MBD2: variants seen among roughly 807,000 people sequenced by gnomAD.
MBD2 encodes methyl-CpG binding domain protein 2.
Under a neutral mutation model 39.3 loss-of-function variants are expected in MBD2, and 9 were observed. The observed-to-expected ratio is 0.23, with a 90% CI of 0.14 to 0.40. The LOEUF (loss-of-function observed/expected upper bound fraction) is 0.40. MBD2 is among the 10% of genes least tolerant of loss of function. MBD2 has a pLI of 1.00. For synonymous variants in MBD2, 233 were observed against 211.1 expected, an observed-to-expected ratio of 1.10 and a Z score of -0.90; for missense variants, 458 against 532.6, an observed-to-expected ratio of 0.86 and a Z score of 1.38.
At chr18:54,174,768 A>G (rs1266092499) in intron 3 of MBD2, among the ~76,000 whole-genome samples, 5 of 152,222 alleles carry the variant, frequency 3.3e-5, no homozygotes, top group Admixed American at 1.3e-4. Flanking sequence ...TGAAACATGA[A>G]ATTTTATATC....
chr18:54,207,092 A>T (rs1237590624), intron 1 of MBD2, among the ~76,000 whole-genome samples: 1 of 152,186 alleles, frequency 6.6e-6, no homozygotes, highest in East Asian at 1.9e-4. Context: ...AAGCTCCTCA[A>T]TGTTGACAAA....
At chr18:54,168,672 C>T (rs2086156303) in intron 3 of MBD2, among the ~76,000 whole-genome samples, 2 of 140,822 alleles carry the variant, frequency 1.4e-5, no homozygotes, top group South Asian at 2.2e-4. Context: ...TATCTTCTCC[C>T]ATCCGCAACC....
chr18:54,179,177 G>A (rs544952841), intron 3 of MBD2, among the ~76,000 whole-genome samples: 33 of 152,206 alleles, frequency 2.2e-4, no homozygotes, highest in African/African-American at 5.5e-4. Flanking sequence ...GCGATACAGC[G>A]AGACCTTGTC....
chr18:54,196,931 A>G lies in MBD2; in HGVS notation c.703-7920T>C, dbSNP rs114056616. Among the ~76,000 whole-genome samples, 1,270 of 152,336 alleles carry G rather than the reference A, an allele frequency of 8.3e-3. 16 individuals carry two copies. Among genetic ancestry groups the G allele is most frequent in the African/African-American group, 0.029 (1,214 of 41,574 alleles). The stretch of plus-strand genomic sequence containing the variant: ...TCGCTATCCAATCAATAGCTACATG[A>G]CTCAAATTAGCCAAAAAGATGGAAC... On this transcript the variant is annotated intron_variant, in intron 2 of 6. Transcript: ENST00000256429.
intron 6 of MBD2, among the ~76,000 whole-genome samples, chr18:54,158,188 A>G (rs1159384040): frequency 6.7e-6 from 1 of 150,364 alleles, no homozygotes; most frequent in Non-Finnish European, 1.5e-5. Flanking sequence ...CCACCCACAC[A>G]TTCCCCCCAC....
chr18:54,196,191 G>T (rs967851748), intron 2 of MBD2, among the ~76,000 whole-genome samples: 1 of 152,178 alleles, frequency 6.6e-6, no homozygotes, highest in Non-Finnish European at 1.5e-5. Flanking sequence ...TACCCATGAT[G>T]TCTATGCAGA....
chr18:54,208,075 G>A (rs114950563), intron 1 of MBD2, among the ~76,000 whole-genome samples: 4,101 of 151,948 alleles, frequency 0.027, 183 homozygotes, highest in African/African-American at 0.094. Flanking sequence ...ACAACAAAAA[G>A]CTGCAATAGC....
At position 54,152,492 on chromosome 18, in the gene MBD2, G is replaced by A. The variant is rs2086027836; in HGVS notation, c.*2832C>T. 6.6e-6 allele frequency: 1 copy of A among 151,832 alleles called. No individual in the cohort carries two copies. The allele number at this position is 151,832 out of a possible 1,614,324, so 9.4% of individuals were successfully genotyped here. A position where few individuals can be genotyped will look rare whatever the true frequency, so the allele number is the denominator to read the frequency against. ...GGTGCCAGTCACTCAGCTAAGTGCT[G>A]GGGCTGTAACGGGAAATCAGACAAA... On this transcript the variant is annotated 3_prime_UTR_variant, in exon 7 of 7. Transcript: ENST00000256429.
chr18:54,177,827 CT>C (rs34113185), intron 3 of MBD2, among the ~76,000 whole-genome samples: 3,910 of 87,108 alleles, frequency 0.045, 106 homozygotes, highest in African/African-American at 0.16. Flanking sequence ...TTTTTCCTCT[CT>C]TTTTTTTTTT....
intron 3 of MBD2, among the ~76,000 whole-genome samples, chr18:54,173,539 G>C (rs554633): frequency 2.4e-4 from 37 of 152,254 alleles, no homozygotes; most frequent in African/African-American, 7.7e-4. Context: ...GGAAAGGCTG[G>C]GATGTAATCT....
intron 3 of MBD2, among the ~76,000 whole-genome samples, chr18:54,166,642 A>C (rs561361916): frequency 5.1e-4 from 78 of 152,320 alleles, no homozygotes; most frequent in Non-Finnish European, 1.0e-3. Flanking sequence ...AGCACACTTT[A>C]AGGGAGAAAA....
rs149118836 is a variant in MBD2 at position 54,176,297 on chromosome 18, G to A, written c.841-10131C>T. On this transcript the variant is annotated intron_variant, in intron 3 of 6. Transcript: ENST00000256429. ...AAACTCTTTGCATATATTTTCACTAGTAAACTAGAAGTCTTAGTAACTGTC... is the reference window on the plus strand; with the variant it reads ...AAACTCTTTGCATATATTTTCACTAATAAACTAGAAGTCTTAGTAACTGTC... Among the ~76,000 whole-genome samples, 458 of 152,350 alleles carry A rather than the reference G, an allele frequency of 3.0e-3. 2 individuals carry two copies. The highest frequency in any genetic ancestry group is 0.01 in the African/African-American group (432 of 41,580).
Position 54,180,897 on chromosome 18 carries a change from C to CTTTTTTTT in MBD2, c.840+7976_840+7977insAAAAAAAA, listed in dbSNP as rs1211071727. On this transcript the variant is annotated intron_variant, in intron 3 of 6. Coordinates refer to ENST00000256429, the MANE Select transcript of MBD2 (RefSeq NM_003927.5). The stretch of plus-strand genomic sequence containing the variant: ...CAGCCTATGTATTCCTTAATTTTTT[C>CTTTTTTTT]TTTTTCTTTTTTTTTTTTTTTTTTT... 2.2e-3 allele frequency among the ~76,000 whole-genome samples: 234 copies of CTTTTTTTT among 105,330 alleles called. 9 individuals are homozygous for CTTTTTTTT. The highest frequency in any genetic ancestry group is 3.3e-3 in the Non-Finnish European group (183 of 55,290). The allele number at this position is 105,330 out of a possible 152,430, so 69.1% of individuals were successfully genotyped here. A position where few individuals can be genotyped will look rare whatever the true frequency, so the allele number is the denominator to read the frequency against.
chr18:54,188,008 T>C (rs755429270), intron 3 of MBD2, among the ~76,000 whole-genome samples: 2 of 152,044 alleles, frequency 1.3e-5, no homozygotes, highest in Non-Finnish European at 2.9e-5. Context: ...GTGAGACATC[T>C]AAAAGGGGAA....
intron 2 of MBD2, among the ~76,000 whole-genome samples, chr18:54,199,672 T>C (rs1289149348): frequency 2.0e-5 from 3 of 152,208 alleles, no homozygotes; most frequent in Admixed American, 1.3e-4. Context: ...GCCAGGGTTA[T>C]TGCAGCATCC....
rs775350753 is a variant in MBD2 at position 54,188,929 on chromosome 18, T to C, written c.785A>G (p.His262Arg). 1 of 1,610,612 alleles carries C rather than the reference T, an allele frequency of 6.2e-7. No homozygotes were observed. Among genetic ancestry groups the C allele is most frequent in the Non-Finnish European group, 8.5e-7 (1 of 1,177,718 alleles). The change falls in exon 3 of 7, where the codon CAT (histidine) becomes CGT (arginine). Residue 262 changes from histidine (H) to arginine (R), a missense_variant. Coordinates refer to ENST00000256429, the MANE Select transcript of MBD2 (RefSeq NM_003927.5). The stretch of plus-strand genomic sequence containing the variant: ...GTCTGATTTCACTTTATTACTAGGA[T>C]GATTTGTGACTTTGGTTACCGGTTG... The part of the protein sequence containing the change: ...FKQPVTKVTN[H>R]PSNKVKSDPQ...
intron 1 of MBD2, among the ~76,000 whole-genome samples, chr18:54,212,102 C>T (rs779192072): frequency 6.6e-6 from 1 of 152,126 alleles, no homozygotes; most frequent in East Asian, 1.9e-4. Context: ...CCCTACTTTC[C>T]ACTCTTACCT....
At chr18:54,160,242 C>A in intron 5 of MBD2, 1 of 193,468 alleles carries the variant, frequency 5.2e-6, no homozygotes, top group Non-Finnish European at 1.1e-5. Flanking sequence ...AACTTAGAAG[C>A]AGGAATAAAA....
chr18:54,194,503 A>T (rs2086349437), intron 2 of MBD2, among the ~76,000 whole-genome samples: 1 of 151,986 alleles, frequency 6.6e-6, no homozygotes. Context: ...TGACCAAAAT[A>T]AAGTATTACA....
Sources: gnomAD v4.1 joint callset for allele counts (sites outside exome capture counted in the v4.1 genomes callset) on GRCh38, gnomAD v4.1.1 for gene constraint, MANE v1.5 for transcripts, NCBI Gene and HGNC (gene_info 2026-07-23, HGNC 2026-07-21) for gene names.